Variants in ZNF420 observed in about 807,000 individuals in gnomAD.
The protein encoded by ZNF420 is ATM and p53-associated KZNF protein.
A neutral mutation model predicts 44.7 loss-of-function variants in ZNF420; 31 were observed. The observed-to-expected ratio is 0.69, with a 90% CI of 0.52 to 0.94. The LOEUF (loss-of-function observed/expected upper bound fraction) is 0.94, where lower values mean the gene tolerates loss of function less well. ZNF420 is among the 40% of genes least tolerant of loss of function. The pLI is 0.00. For missense variants in ZNF420, 681 were observed against 827.9 expected, an observed-to-expected ratio of 0.82 and a Z score of 2.18; for synonymous variants, 245 against 267.4, an observed-to-expected ratio of 0.92 and a Z score of 0.82.
intron 4 of ZNF420, among the ~76,000 whole-genome samples, chr19:37,121,144 C>CA (rs1249833292): frequency 2.7e-5 from 4 of 145,876 alleles, no homozygotes; most frequent in Non-Finnish European, 6.0e-5. Flanking sequence ...CATATGGAAC[C>CA]AAAAAAGAGC....
intron 4 of ZNF420, among the ~76,000 whole-genome samples, chr19:37,098,829 A>T (rs1168723155): frequency 6.6e-6 from 1 of 152,096 alleles, no homozygotes; most frequent in East Asian, 1.9e-4. Context: ...CCCATAGACC[A>T]ATCTCTTCCC....
At chr19:37,113,009 G>A (rs1322019339) in intron 4 of ZNF420, among the ~76,000 whole-genome samples, 2 of 152,120 alleles carry the variant, frequency 1.3e-5, no homozygotes, top group East Asian at 1.9e-4. Flanking sequence ...GTGGTAACTG[G>A]CCCATTCCCT....
intron 1 of ZNF420, among the ~76,000 whole-genome samples, chr19:37,013,758 G>A (rs2074589483): frequency 6.6e-6 from 1 of 152,144 alleles, no homozygotes; most frequent in South Asian, 2.1e-4. Flanking sequence ...CCTTCTCCTT[G>A]GACGGAGCAA....
intron 1 of ZNF420, among the ~76,000 whole-genome samples, chr19:37,029,485 A>AG (rs1967213448): frequency 6.6e-6 from 1 of 151,980 alleles, no homozygotes; most frequent in East Asian, 1.9e-4. Flanking sequence ...CTCACTTGAG[A>AG]GTCAATATTT....
chr19:37,115,437 G>T (rs1207191639), intron 4 of ZNF420, among the ~76,000 whole-genome samples: 1 of 152,026 alleles, frequency 6.6e-6, no homozygotes, highest in Admixed American at 6.6e-5. Flanking sequence ...GGTAATAGTG[G>T]GGAGAGGGTC....
At chr19:37,030,006 G>A (rs1364247660) in intron 1 of ZNF420, among the ~76,000 whole-genome samples, 1 of 152,078 alleles carries the variant, frequency 6.6e-6, no homozygotes, top group Non-Finnish European at 1.5e-5. Context: ...CCCATATACA[G>A]TACAATTTTA....
intron 1 of ZNF420, among the ~76,000 whole-genome samples, chr19:37,028,669 G>A (rs1967194839): frequency 6.6e-6 from 1 of 152,142 alleles, no homozygotes; most frequent in African/African-American, 2.4e-5. Flanking sequence ...GGGCCACACT[G>A]GGTTCATAAT....
At chr19:37,110,391 C>T (rs530048192) in intron 4 of ZNF420, among the ~76,000 whole-genome samples, 2 of 152,264 alleles carry the variant, frequency 1.3e-5, no homozygotes, top group South Asian at 4.1e-4. Flanking sequence ...GTTTTTTAAT[C>T]CTGCTGCATT....
At position 37,128,691 on chromosome 19, in the gene ZNF420, C is replaced by G; in HGVS notation, c.1700C>G (p.Ala567Gly). The change falls in exon 5 of 5, where the codon GCC becomes GGC. Residue 567 changes from alanine to glycine, a missense_variant. By Grantham distance (60) the Ala-to-Gly change is moderately conservative. This residue lies in a region of ZNF420 where 280 missense variants were observed against 338.6 expected (regional missense o/e 0.83). Coordinates refer to ENST00000337995, the MANE Select transcript of ZNF420 (RefSeq NM_144689.5). Reference sequence around the variant, plus strand: ...TATCAATGTAAGGAATGTGGGAAAGCCTTTATTCGTGGTTCACAGTTGACT... The same window carrying G: ...TATCAATGTAAGGAATGTGGGAAAGGCTTTATTCGTGGTTCACAGTTGACT... ...KPYQCKECGK[A>G]FIRGSQLTQH... The G allele has an allele frequency of 6.2e-7, 1 of 1,613,986 alleles. No individual in the cohort carries two copies. The highest frequency in any genetic ancestry group is 1.7e-5 in the Admixed American group (1 of 60,012).
At chr19:37,117,819 G>A (rs538998970) in intron 4 of ZNF420, among the ~76,000 whole-genome samples, 14 of 152,322 alleles carry the variant, frequency 9.2e-5, no homozygotes, top group African/African-American at 2.4e-4. Context: ...AGAACTATGT[G>A]AAGAATGCAG....
chr19:37,008,041 A>G (rs1599587106), exon 1 of ZNF420: 2 of 236,910 alleles, frequency 8.4e-6, no homozygotes, highest in African/African-American at 2.3e-5. Flanking sequence ...TAGGGGAAGC[A>G]GTACGGCGTC....
chr19:37,106,757 A>G (rs1024666393), intron 4 of ZNF420: 7 of 152,178 alleles, frequency 4.6e-5, no homozygotes, highest in African/African-American at 1.7e-4. Flanking sequence ...AAGTGGGCCC[A>G]GGGGACCGGT....
intron 4 of ZNF420, among the ~76,000 whole-genome samples, chr19:37,119,443 A>G (rs1970897147): frequency 6.6e-6 from 1 of 152,224 alleles, no homozygotes; most frequent in Non-Finnish European, 1.5e-5. Context: ...GACACAACAT[A>G]CCAGAATCTC....
At chr19:37,039,484 A>T (rs1459963072) in intron 1 of ZNF420, among the ~76,000 whole-genome samples, 6 of 152,150 alleles carry the variant, frequency 3.9e-5, no homozygotes, top group Admixed American at 3.9e-4. Context: ...TTTGAAAGGA[A>T]TCTTTTTTTC....
chr19:37,032,683 T>C (rs1427413335), intron 1 of ZNF420, among the ~76,000 whole-genome samples: 1 of 152,196 alleles, frequency 6.6e-6, no homozygotes, highest in South Asian at 2.1e-4. Context: ...CACGTGCCTG[T>C]AATCCCAGCT....
intron 2 of ZNF420, among the ~76,000 whole-genome samples, chr19:37,083,433 G>A (rs1409651197): frequency 6.6e-6 from 1 of 152,078 alleles, no homozygotes; most frequent in Non-Finnish European, 1.5e-5. Context: ...AAGAAAAACT[G>A]GAATGAAAGA....
chr19:37,061,828 G>C (rs530666025), intron 1 of ZNF420, among the ~76,000 whole-genome samples: 1 of 152,142 alleles, frequency 6.6e-6, no homozygotes. Flanking sequence ...AACAATACAC[G>C]TAAGATGAGA....
chr19:37,079,857 G>C (rs1191713426), intron 1 of ZNF420, among the ~76,000 whole-genome samples: 1 of 152,100 alleles, frequency 6.6e-6, no homozygotes, highest in African/African-American at 2.4e-5. Context: ...AGCTGGGCGT[G>C]GTGGCGCATG....
intron 1 of ZNF420, among the ~76,000 whole-genome samples, chr19:37,017,600 C>G (rs1408757248): frequency 6.6e-6 from 1 of 152,068 alleles, no homozygotes; most frequent in Non-Finnish European, 1.5e-5. Context: ...AAAGTTTCAA[C>G]CAATTTCAAA....
Sources: allele counts gnomAD v4.1 joint callset (sites outside exome capture counted in the v4.1 genomes callset), GRCh38; gene constraint gnomAD v4.1.1; regional missense constraint gnomAD v4.1.1; transcripts MANE v1.5; gene names NCBI Gene and HGNC (gene_info 2026-07-23, HGNC 2026-07-21).